USP54: variants seen among roughly 807,000 people sequenced by gnomAD.
USP54 encodes ubiquitin specific peptidase 54, also known as ubiquitin carboxyl-terminal hydrolase 54.
USP54 carries 87 observed loss-of-function variants against 170.5 expected under a neutral mutation model. The ratio of observed to expected loss-of-function variants is 0.51; its 90% CI spans 0.43 to 0.61. USP54 has a LOEUF of 0.61. Among genes scored for constraint, USP54 ranks in the 20% least tolerant of loss-of-function variants. The probability of loss-of-function intolerance (pLI) is 0.00; values close to 1 mark genes in which losing one functional copy is unlikely to be tolerated. For synonymous variants in USP54, 655 were observed against 742.8 expected (o/e 0.88, Z 1.92); for missense variants, 1,786 against 2,047.8 (o/e 0.87, Z 2.47).
rs540699523 is a variant in USP54, at chr10:73,521,314, C to T, written c.2363-287G>A. Among the ~76,000 whole-genome samples the T allele has an allele frequency of 2.0e-4, 31 of 152,260 alleles. No individual in the cohort carries two copies. The South Asian group carries it at 5.8e-3, about 29-fold the overall frequency. ...AAGGAAGGAGCTCCAGTGGTGCAAT[C>T]GGTTAGCGCGCGGTACTTATATGAC... On this transcript the variant is annotated intron_variant, in intron 17 of 23. Coordinates refer to ENST00000687698, the MANE Select transcript of USP54 (RefSeq NM_001391956.1).
intron 22 of USP54, among the ~76,000 whole-genome samples, chr10:73,503,209 C>T (rs1262465166): frequency 6.6e-6 from 1 of 152,216 alleles, no homozygotes; most frequent in Non-Finnish European, 1.5e-5. Context: ...GCTCAGGTCC[C>T]TTTTACTTGC....
At chr10:73,518,304 T>C (rs1252213285) in intron 19 of USP54, 1 of 935,370 alleles carries the variant, frequency 1.1e-6, no homozygotes, top group East Asian at 1.2e-4. Context: ...TATGTTTTTA[T>C]AATCTGGATT....
chr10:73,624,289 C>A (rs189535544), intron 1 of USP54: 1 of 146,382 alleles, frequency 6.8e-6, no homozygotes, highest in Non-Finnish European at 1.5e-5. Flanking sequence ...CCTTCCCCTC[C>A]GGGGTTCAAG....
chr10:73,523,207 T>G (rs1478946756), intron 17 of USP54, among the ~76,000 whole-genome samples: 2 of 152,258 alleles, frequency 1.3e-5, no homozygotes, highest in African/African-American at 4.8e-5. Flanking sequence ...CCAGGTGGAA[T>G]ATTTCATGGG....
intron 4 of USP54, among the ~76,000 whole-genome samples, chr10:73,547,044 CAT>C (rs2067994811): frequency 1.3e-5 from 2 of 152,194 alleles, no homozygotes; most frequent in African/African-American, 4.8e-5. Context: ...TTTGAATGCA[CAT>C]CACTTTTTAA....
chr10:73,541,652 C>T lies in USP54; in HGVS notation c.659G>A (p.Gly220Glu). The change falls in exon 8 of 24, where the codon GGG (glycine) becomes GAG (glutamate). Residue 220 changes from glycine to glutamate, a missense_variant. By Grantham distance (98) the Gly-to-Glu change is moderately conservative (BLOSUM62 -2). This residue lies in a region of USP54 where 361 missense variants were observed against 455.0 expected (regional missense o/e 0.79). Transcript: ENST00000687698. ...GELLQNASTMGDLRNCPSNCG... is the reference protein window; with the variant it reads ...GELLQNASTMEDLRNCPSNCG... ...ACTCACTGGACAGTTCCGCAGATCC[C>T]CCATGGTGCTGGCATTCTGCAGCAG... The T allele has an allele frequency of 1.2e-6, 2 of 1,614,144 alleles. No individual in the cohort carries two copies. Among genetic ancestry groups the T allele is most frequent in the Non-Finnish European group, 1.7e-6 (2 of 1,180,024 alleles).
At chr10:73,526,584 T>G in intron 16 of USP54, 63 bp downstream of exon 16, 1 of 1,600,692 alleles carries the variant, frequency 6.2e-7, no homozygotes, top group Non-Finnish European at 8.5e-7. Flanking sequence ...CTCAGGTAAG[T>G]CTGGTCCCCA....
intron 1 of USP54, among the ~76,000 whole-genome samples, chr10:73,583,992 T>A (rs988503787): frequency 3.9e-5 from 6 of 152,172 alleles, no homozygotes; most frequent in African/African-American, 1.4e-4. Context: ...ATGCAAATAA[T>A]TCACTGAAGA....
chr10:73,598,774 G>C (rs1242589329), intron 1 of USP54, among the ~76,000 whole-genome samples: 1 of 152,198 alleles, frequency 6.6e-6, no homozygotes, highest in Non-Finnish European at 1.5e-5. Context: ...ATAAAAATTA[G>C]CTGGGCGTGG....
intron 3 of USP54, among the ~76,000 whole-genome samples, chr10:73,573,355 C>T (rs933282819): frequency 1.3e-5 from 2 of 152,174 alleles, no homozygotes; most frequent in African/African-American, 4.8e-5. Context: ...AAAAACCTAA[C>T]CAACTCCACC....
chr10:73,610,330 C>T (rs2080038066), intron 1 of USP54, among the ~76,000 whole-genome samples: 1 of 152,154 alleles, frequency 6.6e-6, no homozygotes, highest in Non-Finnish European at 1.5e-5. Flanking sequence ...ATATCAGAAA[C>T]TTTTGGCCAG....
chr10:73,577,315 G>C (rs2076247668), intron 1 of USP54, among the ~76,000 whole-genome samples: 1 of 152,122 alleles, frequency 6.6e-6, no homozygotes, highest in Admixed American at 6.5e-5. Context: ...ACCTAGCATT[G>C]TCTACAGCAT....
upstream of USP54, among the ~76,000 whole-genome samples, chr10:73,592,221 T>C (rs987859040): frequency 3.3e-5 from 5 of 152,080 alleles, no homozygotes; most frequent in African/African-American, 1.2e-4. Context: ...AACAGTTTTA[T>C]TGAAAGAAGT....
chr10:73,622,609 C>CTACCGTGCCTGGTCCGTATTTATT (rs2081181818), intron 1 of USP54, among the ~76,000 whole-genome samples: 1 of 152,032 alleles, frequency 6.6e-6, no homozygotes, highest in Non-Finnish European at 1.5e-5. Flanking sequence ...CAGGCCTGAG[C>CTACCGTGCCTGGTCCGTATTTATT]TACCGTGCCT....
In USP54 at chr10:73,498,039, G is replaced by A. The variant is rs2057360146; in HGVS notation, c.*590C>T. On this transcript the variant is annotated 3_prime_UTR_variant, in exon 24 of 24. Transcript: ENST00000687698. ...TCCTAAGGAATGGCTAGTATCCAGA[G>A]TAATACCATGGATTCATCTTTAAAG... The A allele has an allele frequency of 6.6e-6, 1 of 152,346 alleles. No homozygotes were observed. The allele number at this position is 152,346 out of a possible 1,614,324, so 9.4% of individuals were successfully genotyped here. A position where few individuals can be genotyped will look rare whatever the true frequency, so the allele number is the denominator to read the frequency against.
At chr10:73,527,825 C>A (rs1176185997) in intron 15 of USP54, among the ~76,000 whole-genome samples, 1 of 146,310 alleles carries the variant, frequency 6.8e-6, no homozygotes, top group Non-Finnish European at 1.5e-5. Context: ...AATGATGAAA[C>A]CCCATCGATA....
At chr10:73,585,837 A>G (rs896170039) in intron 1 of USP54, among the ~76,000 whole-genome samples, 3 of 152,264 alleles carry the variant, frequency 2.0e-5, no homozygotes, top group Admixed American at 6.5e-5. Context: ...CCTGGCCAAC[A>G]TGGTGAAACC....
chr10:73,577,115 TCAC>T (rs2076218826), intron 1 of USP54, among the ~76,000 whole-genome samples: 1 of 152,154 alleles, frequency 6.6e-6, no homozygotes, highest in South Asian at 2.1e-4. Flanking sequence ...TGGAAGGAAA[TCAC>T]CACATCTCCA....
intron 4 of USP54, among the ~76,000 whole-genome samples, chr10:73,561,977 T>C (rs1240141989): frequency 1.3e-5 from 2 of 152,168 alleles, no homozygotes; most frequent in Admixed American, 6.6e-5. Flanking sequence ...GGCACACACC[T>C]GTAATCCCAG....
Sources: gnomAD v4.1 joint callset for allele counts (sites outside exome capture counted in the v4.1 genomes callset) on GRCh38, gnomAD v4.1.1 for gene constraint, gnomAD v4.1.1 regional missense constraint, MANE v1.5 for transcripts, NCBI Gene and HGNC (gene_info 2026-07-23, HGNC 2026-07-21) for gene names.